Variants in DIP2C observed in about 807,000 individuals in gnomAD.
DIP2C encodes the protein disco-interacting protein 2 homolog C.
In DIP2C, 33 loss-of-function variants were observed where a neutral mutation model predicts 192.4. The observed-to-expected ratio is 0.17, with a 90% CI of 0.13 to 0.23. The LOEUF is 0.23. Among genes scored for constraint, DIP2C ranks in the 10% least tolerant of loss-of-function variants. The pLI, the probability that DIP2C is intolerant of heterozygous loss-of-function variation, is 1.00. For missense variants in DIP2C, 1,537 were observed against 2,110.1 expected (o/e 0.73, Z 5.32); for synonymous variants, 979 against 864.1 (o/e 1.13, Z -2.33).
At chr10:342,631 T>C (rs1958213724) in intron 28 of DIP2C, among the ~76,000 whole-genome samples, 1 of 152,126 alleles carries the variant, frequency 6.6e-6, no homozygotes, top group Non-Finnish European at 1.5e-5. Context: ...GTCTTAATGA[T>C]CAGAAAGTGA....
At chr10:662,929 G>A (rs1000483326) in intron 1 of DIP2C, 11 of 717,380 alleles carry the variant, frequency 1.5e-5, no homozygotes, top group South Asian at 7.4e-5. Flanking sequence ...GTGGATGTAC[G>A]CTAATGGTTC....
chr10:470,065 G>A (rs1003246963), intron 3 of DIP2C, among the ~76,000 whole-genome samples: 18 of 152,154 alleles, frequency 1.2e-4, no homozygotes, highest in African/African-American at 4.1e-4. Flanking sequence ...ATAGATGGAC[G>A]GATGGTGGAC....
intron 24 of DIP2C, among the ~76,000 whole-genome samples, chr10:355,093 G>A (rs1959013230): frequency 6.6e-6 from 1 of 152,128 alleles, no homozygotes; most frequent in East Asian, 1.9e-4. Context: ...CAGTCCTCAA[G>A]ATCTCCGGCC....
At chr10:569,124 GA>G (rs1849629309) in intron 1 of DIP2C, among the ~76,000 whole-genome samples, 1 of 152,150 alleles carries the variant, frequency 6.6e-6, no homozygotes, top group Admixed American at 6.6e-5. Context: ...CTTGGCCAGG[GA>G]ACCAGAAGTG....
chr10:590,182 C>A (rs7096351), intron 1 of DIP2C, among the ~76,000 whole-genome samples: 5 of 152,166 alleles, frequency 3.3e-5, no homozygotes, highest in African/African-American at 9.7e-5. Flanking sequence ...ACCACTGAGC[C>A]TCTGCGTCCA....
intron 4 of DIP2C, among the ~76,000 whole-genome samples, chr10:427,262 C>T (rs1394460056): frequency 2.6e-5 from 4 of 152,222 alleles, no homozygotes; most frequent in African/African-American, 9.6e-5. Flanking sequence ...AAGTCCATCA[C>T]TCCAGTCTCC....
At chr10:414,971 G>A (rs1267451679) in intron 7 of DIP2C, among the ~76,000 whole-genome samples, 1 of 146,146 alleles carries the variant, frequency 6.8e-6, no homozygotes, top group Admixed American at 7.0e-5. Flanking sequence ...CGAACTCCCA[G>A]GCTCAAGTGA....
chr10:341,534 G>A (rs952515589), intron 28 of DIP2C, among the ~76,000 whole-genome samples: 1 of 149,754 alleles, frequency 6.7e-6, no homozygotes, highest in Non-Finnish European at 1.5e-5. Context: ...GGGACAATAC[G>A]GGGCTGCACT....
At chr10:488,285 G>A (rs978951117) in intron 1 of DIP2C, among the ~76,000 whole-genome samples, 1 of 152,172 alleles carries the variant, frequency 6.6e-6, no homozygotes, top group South Asian at 2.1e-4. Context: ...CTGGAGACAC[G>A]CTCTGTGCTC....
intron 3 of DIP2C, among the ~76,000 whole-genome samples, chr10:471,972 G>A (rs1166354034): frequency 2.0e-5 from 3 of 152,126 alleles, no homozygotes; most frequent in Non-Finnish European, 4.4e-5. Flanking sequence ...AGCCCAGGTG[G>A]CACTGGCAAC....
intron 3 of DIP2C, among the ~76,000 whole-genome samples, chr10:448,848 G>T (rs1481611705): frequency 3.4e-5 from 4 of 117,682 alleles, no homozygotes; most frequent in Admixed American, 1.6e-4. Context: ...ACACACAGTG[G>T]GGCAGCAGGA....
At position 417,915 on chromosome 10, in the gene DIP2C, TCCAC is replaced by T. The variant is rs1965840905; in HGVS notation, c.739+1146_739+1149del. Among the ~76,000 whole-genome samples the T allele has an allele frequency of 5.6e-5, 6 of 106,230 alleles. 2 individuals are homozygous for T. The highest frequency in any genetic ancestry group is 2.7e-4 in the Admixed American group (3 of 11,158). The allele number at this position is 106,230 out of a possible 152,430, so 69.7% of individuals were successfully genotyped here. A position where few individuals can be genotyped will look rare whatever the true frequency, so the allele number is the denominator to read the frequency against. ...GTCAGGGCTCGGATAGGCCTCCCTG[TCCAC>T]CTGTTCCTGTCAGGGCTTCGATAGG... On this transcript the variant is annotated intron_variant, in intron 6 of 36. Coordinates refer to ENST00000280886, the MANE Select transcript of DIP2C (RefSeq NM_014974.3).
At chr10:617,418 G>A (rs1284285429) in intron 1 of DIP2C, among the ~76,000 whole-genome samples, 3 of 152,208 alleles carry the variant, frequency 2.0e-5, no homozygotes, top group South Asian at 4.1e-4. Context: ...TGGCTGTGGA[G>A]ACTGAGACCA....
chr10:562,393 T>TA (rs1190852947), intron 1 of DIP2C, among the ~76,000 whole-genome samples: 1 of 152,246 alleles, frequency 6.6e-6, no homozygotes, highest in Non-Finnish European at 1.5e-5. Flanking sequence ...TCAAGGAGGA[T>TA]AATGGCTCAC....
chr10:462,497 A>G (rs1969873701), intron 3 of DIP2C, among the ~76,000 whole-genome samples: 2 of 152,238 alleles, frequency 1.3e-5, no homozygotes, highest in African/African-American at 4.8e-5. Flanking sequence ...CCCTGAATAG[A>G]CCAATAACAA....
chr10:371,134 T>TGG (rs758823742), intron 17 of DIP2C, among the ~76,000 whole-genome samples: 30 of 151,406 alleles, frequency 2.0e-4, no homozygotes, highest in Non-Finnish European at 2.8e-4. Flanking sequence ...GTGTTGTCAG[T>TGG]GGTCCTGCCA....
At chr10:508,301 G>A (rs1481118064) in intron 1 of DIP2C, among the ~76,000 whole-genome samples, 1 of 152,084 alleles carries the variant, frequency 6.6e-6, no homozygotes, top group African/African-American at 2.4e-5. Flanking sequence ...TCCGGTGCCC[G>A]TGCAGCCTGG....
chr10:462,505 C>T (rs985451204), intron 3 of DIP2C, among the ~76,000 whole-genome samples: 2 of 152,140 alleles, frequency 1.3e-5, no homozygotes, highest in South Asian at 2.1e-4. Context: ...AGACCAATAA[C>T]AAGTTCTGAA....
chr10:516,264 C>T (rs996808460), intron 1 of DIP2C, among the ~76,000 whole-genome samples: 2 of 103,186 alleles, frequency 1.9e-5, no homozygotes, highest in African/African-American at 4.1e-5. Flanking sequence ...CTGTTGTTGA[C>T]CTGCTTTCCC....
Sources: allele counts gnomAD v4.1 joint callset (sites outside exome capture counted in the v4.1 genomes callset), GRCh38; gene constraint gnomAD v4.1.1; transcripts MANE v1.5; gene names NCBI Gene and HGNC (gene_info 2026-07-23, HGNC 2026-07-21).